The following PRLR variants were observed in gnomAD, a reference collection of about 807,000 sequenced individuals.
PRLR encodes hPRL receptor.
PRLR carries 13 observed loss-of-function variants against 40.2 expected under a neutral mutation model. That is an observed-to-expected ratio of 0.32 (90% CI 0.21 to 0.51). The LOEUF is 0.51. Among genes scored for constraint, PRLR ranks in the 20% least tolerant of loss-of-function variants. The pLI is 0.97. For synonymous variants in PRLR, 269 were observed against 278.7 expected (o/e 0.97, Z 0.35); for missense variants, 656 against 747.3 (o/e 0.88, Z 1.42).
chr5:35,159,058 A>C (rs948980682), intron 1 of PRLR, among the ~76,000 whole-genome samples: 1 of 152,194 alleles, frequency 6.6e-6, no homozygotes, highest in Non-Finnish European at 1.5e-5. Context: ...CTACTATAAC[A>C]AGTAACAATG....
chr5:35,176,935 C>A (rs1775165002), intron 1 of PRLR, among the ~76,000 whole-genome samples: 1 of 152,196 alleles, frequency 6.6e-6, no homozygotes, highest in South Asian at 2.1e-4. Context: ...CGATTGTATG[C>A]TCCATCTACT....
chr5:35,081,853 G>T, intron 5 of PRLR: 1 of 161,856 alleles, frequency 6.2e-6, no homozygotes, highest in South Asian at 1.7e-4. Flanking sequence ...TGTCTCCTCT[G>T]ACTTTAACAG....
At chr5:35,079,327 A>G (rs1770341872) in intron 5 of PRLR, among the ~76,000 whole-genome samples, 1 of 152,186 alleles carries the variant, frequency 6.6e-6, no homozygotes, top group Non-Finnish European at 1.5e-5. Context: ...TCAGCCCAAA[A>G]TCTCCTTAAG....
At chr5:35,076,508 A>G (rs1770106685) in intron 5 of PRLR, among the ~76,000 whole-genome samples, 1 of 152,218 alleles carries the variant, frequency 6.6e-6, no homozygotes, top group South Asian at 2.1e-4. Context: ...AAGAGTAAAA[A>G]GAAATGAACA....
chr5:35,156,777 T>C (rs1774522041), intron 1 of PRLR, among the ~76,000 whole-genome samples: 1 of 152,118 alleles, frequency 6.6e-6, no homozygotes, highest in African/African-American at 2.4e-5. Context: ...GGAAGGGATC[T>C]CTCTCCTCCA....
rs2112366271 is a variant in PRLR, at chr5:35,064,980, G to A, written c.*109C>T. The A allele has an allele frequency of 8.0e-7, 1 of 1,243,716 alleles. No homozygotes were observed. The highest frequency in any genetic ancestry group is 1.6e-5 in the South Asian group (1 of 63,160). The allele number at this position is 1,243,716 out of a possible 1,614,324, so 77.0% of individuals were successfully genotyped here. Reference sequence around the variant, plus strand: ...TTAAAAATGGAGCATGAAAGGAGCTGGGAGCTTTAGTAGTGTCAGTCTGAC... The same window carrying A: ...TTAAAAATGGAGCATGAAAGGAGCTAGGAGCTTTAGTAGTGTCAGTCTGAC... On this transcript the variant is annotated 3_prime_UTR_variant, in exon 10 of 10. Transcript: ENST00000618457.
chr5:35,212,507 C>G (rs1181425055), intron 1 of PRLR, among the ~76,000 whole-genome samples: 4 of 152,194 alleles, frequency 2.6e-5, no homozygotes, highest in Non-Finnish European at 5.9e-5. Context: ...ATTAGCAGTG[C>G]TTTACTCAGA....
intron 5 of PRLR, among the ~76,000 whole-genome samples, chr5:35,084,125 TA>T (rs1421438664): frequency 1.3e-5 from 2 of 151,966 alleles, no homozygotes; most frequent in African/African-American, 4.8e-5. Flanking sequence ...TGAGGAGAAA[TA>T]AAAGAAATCC....
At chr5:35,113,143 C>T (rs1046254248) in intron 2 of PRLR, among the ~76,000 whole-genome samples, 5 of 150,694 alleles carry the variant, frequency 3.3e-5, no homozygotes, top group African/African-American at 1.2e-4. Flanking sequence ...TCCACCCACC[C>T]ATTTATCCAT....
chr5:35,068,067 C>T, intron 9 of PRLR, 149 bp downstream of exon 9: 1 of 681,260 alleles, frequency 1.5e-6, no homozygotes, highest in Non-Finnish European at 2.6e-6. Context: ...ACACAACTTT[C>T]TGTTAACACA....
At chr5:35,146,286 G>A (rs950895557) in intron 1 of PRLR, among the ~76,000 whole-genome samples, 2 of 152,194 alleles carry the variant, frequency 1.3e-5, no homozygotes, top group African/African-American at 2.4e-5. Flanking sequence ...AGCTCATAGT[G>A]TAGGAAGAAA....
At chr5:35,117,626 C>T (rs967302449) in intron 2 of PRLR, among the ~76,000 whole-genome samples, 1 of 152,166 alleles carries the variant, frequency 6.6e-6, no homozygotes, top group African/African-American at 2.4e-5. Context: ...GGAGACACAG[C>T]AGTAACATTA....
At chr5:35,214,414 C>T (rs749775358) in intron 1 of PRLR, among the ~76,000 whole-genome samples, 6 of 152,154 alleles carry the variant, frequency 3.9e-5, no homozygotes, top group Non-Finnish European at 8.8e-5. Flanking sequence ...ACGCACTGCT[C>T]GAACCATCCA....
chr5:35,133,253 G>A (rs1264733197), intron 1 of PRLR, among the ~76,000 whole-genome samples: 3 of 152,234 alleles, frequency 2.0e-5, no homozygotes, highest in East Asian at 1.9e-4. Context: ...GCTTGCAGAC[G>A]GCACATAATA....
At chr5:35,050,484 A>G (rs940508187) in intron 8 of PRLR, among the ~76,000 whole-genome samples, 2 of 152,220 alleles carry the variant, frequency 1.3e-5, no homozygotes, top group East Asian at 1.9e-4. Flanking sequence ...ACATAAGACT[A>G]GAGAAGATGA....
downstream of PRLR, among the ~76,000 whole-genome samples, chr5:35,051,833 G>A (rs963903969): frequency 6.6e-6 from 1 of 151,994 alleles, no homozygotes; most frequent in African/African-American, 2.4e-5. Flanking sequence ...TAATGACACA[G>A]AACAATTAGG....
rs1491247142 is a variant in PRLR, at chr5:35,081,776, CAA to C, written c.373+2692_373+2693del. On this transcript the variant is annotated intron_variant, in intron 5 of 9. Coordinates refer to ENST00000618457, the MANE Select transcript of PRLR (RefSeq NM_000949.7). ...TAATGCTTGAGGGTAAGGCAATACA[CAA>C]ACACACACACACACACACACACACA... is the stretch of plus-strand genomic sequence containing the variant. 183 of 128,668 alleles carry C rather than the reference CAA, an allele frequency of 1.4e-3. 1 individual carries two copies. Among genetic ancestry groups the C allele is most frequent in the Non-Finnish European group, 2.0e-3 (129 of 66,082 alleles). The allele number at this position is 128,668 out of a possible 1,614,324, so 8.0% of individuals were successfully genotyped here.
intron 4 of PRLR, 105 bp from the exon 5 acceptor site, chr5:35,084,744 A>G (rs987215737): frequency 9.1e-7 from 1 of 1,096,814 alleles, no homozygotes; most frequent in Non-Finnish European, 1.3e-6. Context: ...AGAAATTCCA[A>G]GCGCAAAACC....
At chr5:35,067,351 T>C (rs780216015) in intron 9 of PRLR, among the ~76,000 whole-genome samples, 2 of 152,170 alleles carry the variant, frequency 1.3e-5, no homozygotes, top group Non-Finnish European at 2.9e-5. Context: ...ACTAGTTTAG[T>C]TTGCTGAGAC....
Sources: gnomAD v4.1 joint callset for allele counts (sites outside exome capture counted in the v4.1 genomes callset) on GRCh38, gnomAD v4.1.1 for gene constraint, MANE v1.5 for transcripts, NCBI Gene and HGNC (gene_info 2026-07-23, HGNC 2026-07-21) for gene names.